Variants in SH3PXD2B observed in about 807,000 individuals in gnomAD.
SH3PXD2B encodes SH3 and PX domains 2B, also known as SH3 and PX domain-containing protein 2B.
SH3PXD2B carries 37 observed loss-of-function variants against 73.1 expected under a neutral mutation model. The observed-to-expected ratio is 0.51, with a 90% CI of 0.39 to 0.67. The LOEUF is 0.67. Among genes scored for constraint, SH3PXD2B ranks in the 30% least tolerant of loss-of-function variants. The probability of loss-of-function intolerance (pLI) is 0.00; values close to 1 mark genes in which losing one functional copy is unlikely to be tolerated. For missense variants in SH3PXD2B, 1,053 were observed against 1,197.8 expected (o/e 0.88, Z 1.78); for synonymous variants, 457 against 480.5 (o/e 0.95, Z 0.64).
In SH3PXD2B at chr5:172,335,333, A is replaced by G. The variant is rs1756661801; in HGVS notation, c.*3036T>C. On this transcript the variant is annotated 3_prime_UTR_variant, in exon 13 of 13. Coordinates refer to ENST00000311601, the MANE Select transcript of SH3PXD2B (RefSeq NM_001017995.3). ...CAAGGGGCGGGGGGAAGAGGCACCGAAATTCAGAGGGAGGGTCACTTGATT... is the reference window on the plus strand; with the variant it reads ...CAAGGGGCGGGGGGAAGAGGCACCGGAATTCAGAGGGAGGGTCACTTGATT... 2 of 1,199,438 alleles carry G rather than the reference A, an allele frequency of 1.7e-6. No individual in the cohort carries two copies. The highest frequency in any genetic ancestry group is 4.4e-5 in the Admixed American group (1 of 22,514). 74.3% of individuals were successfully genotyped at this position (1,199,438 alleles called of 1,614,324 possible).
At chr5:172,328,247 A>C (rs1008182488) in intron 12 of SH3PXD2B, among the ~76,000 whole-genome samples, 1 of 151,588 alleles carries the variant, frequency 6.6e-6, no homozygotes, top group Non-Finnish European at 1.5e-5. Context: ...CTGGGACTAC[A>C]GGCGTGTGCC....
At chr5:172,396,974 G>A (rs1003893787) in intron 3 of SH3PXD2B, among the ~76,000 whole-genome samples, 2 of 152,222 alleles carry the variant, frequency 1.3e-5, no homozygotes, top group Admixed American at 6.6e-5. Flanking sequence ...AGATGAATAC[G>A]TATCACAAAG....
chr5:172,447,637 A>C (rs1477730537), intron 1 of SH3PXD2B, among the ~76,000 whole-genome samples: 1 of 152,240 alleles, frequency 6.6e-6, no homozygotes, highest in Admixed American at 6.5e-5. Context: ...CACAGTTGGT[A>C]GGTGGCAGAG....
chr5:172,439,677 TGCGCGCACGC>T (rs1759499050), intron 1 of SH3PXD2B, among the ~76,000 whole-genome samples: 1 of 121,682 alleles, frequency 8.2e-6, no homozygotes, highest in South Asian at 2.5e-4. Flanking sequence ...TGTGCGTGCG[TGCGCGCACGC>T]GCGCGCACAC....
At position 172,394,661 on chromosome 5, in the gene SH3PXD2B, A is replaced by G. The variant is rs780853629; in HGVS notation, c.233-22T>C. Reference sequence around the variant, plus strand: ...TTACCTGCAGAAGATGAGAGCAAAGACAGTGTTGTCAGGGAACAGGGACAA... The same window carrying G: ...TTACCTGCAGAAGATGAGAGCAAAGGCAGTGTTGTCAGGGAACAGGGACAA... On this transcript the variant is annotated intron_variant, in intron 3 of 12. Coordinates refer to ENST00000311601, the MANE Select transcript of SH3PXD2B (RefSeq NM_001017995.3). The G allele has an allele frequency of 5.0e-6, 8 of 1,613,094 alleles. No individual in the cohort carries two copies. In the East Asian group the frequency reaches 1.6e-4, roughly 31 times the overall value.
At chr5:172,368,865 G>T (rs112677296) in intron 6 of SH3PXD2B, among the ~76,000 whole-genome samples, 7,239 of 113,670 alleles carry the variant, frequency 0.064, 294 homozygotes, top group African/African-American at 0.15. Context: ...ATATATATAT[G>T]TTTTTAAATA....
intron 4 of SH3PXD2B, among the ~76,000 whole-genome samples, chr5:172,386,565 G>A (rs1758063909): frequency 7.4e-6 from 1 of 134,840 alleles, no homozygotes; most frequent in Non-Finnish European, 1.5e-5. Context: ...AACGTTTTCT[G>A]TTGTTGTTGT....
Position 172,336,953 on chromosome 5 carries a change from A to C in SH3PXD2B, c.*1416T>G. ...ATTACAAATGCCGGAGAGGCACAGG[A>C]AGCAGCTCTGCCTGGCCCTTGGTTA... On this transcript the variant is annotated 3_prime_UTR_variant, in exon 13 of 13. Transcript: ENST00000311601. 1 of 985,550 alleles carries C rather than the reference A, an allele frequency of 1.0e-6. No homozygotes were observed. The highest frequency in any genetic ancestry group is 1.2e-6 in the Non-Finnish European group (1 of 830,032). The allele number at this position is 985,550 out of a possible 1,614,324, so 61.1% of individuals were successfully genotyped here.
intron 4 of SH3PXD2B, among the ~76,000 whole-genome samples, chr5:172,384,888 A>G (rs1390171177): frequency 6.6e-6 from 1 of 151,942 alleles, no homozygotes; most frequent in African/African-American, 2.4e-5. Context: ...CTAGTAGGGC[A>G]CCTTCCCTGG....
intron 12 of SH3PXD2B, among the ~76,000 whole-genome samples, chr5:172,340,968 C>G (rs1161217441): frequency 6.6e-6 from 1 of 152,178 alleles, no homozygotes; most frequent in Non-Finnish European, 1.5e-5. Flanking sequence ...TACAGGGGAC[C>G]TGGAGCTGGT....
chr5:172,338,430 A>G lies in SH3PXD2B; in HGVS notation c.2675T>C (p.Leu892Pro). The G allele has an allele frequency of 6.2e-7, 1 of 1,614,218 alleles. No homozygotes were observed. Among genetic ancestry groups the G allele is most frequent in the Non-Finnish European group, 8.5e-7 (1 of 1,180,038 alleles). The part of the protein sequence containing the change: ...NSSGWWFCQV[L>P]SGAPSWEGWI... Reference sequence around the variant, plus strand: ...CCCTTCCCAGGAAGGGGCTCCGCTCAGGACCTGGCAGAACCACCAGCCACT... The same window carrying G: ...CCCTTCCCAGGAAGGGGCTCCGCTCGGGACCTGGCAGAACCACCAGCCACT... Residue 892 changes from leucine (L) to proline (P), a missense_variant, in exon 13 of 13, where the codon CTG becomes CCG. Physicochemically the swap from Leu to Pro is moderately conservative, Grantham distance 98. This residue lies in a region of SH3PXD2B where 587 missense variants were observed against 590.7 expected (regional missense o/e 0.99). Transcript: ENST00000311601. The surrounding 1 kb of genome is among the most constrained non-coding windows in gnomAD (Gnocchi z 5.1).
At chr5:172,387,120 A>G (rs1758076729) in intron 4 of SH3PXD2B, among the ~76,000 whole-genome samples, 1 of 152,192 alleles carries the variant, frequency 6.6e-6, no homozygotes, top group Admixed American at 6.5e-5. Flanking sequence ...GGAAGTCTCA[A>G]GTGACTGGAG....
chr5:172,381,018 A>G (rs575292469), intron 5 of SH3PXD2B, among the ~76,000 whole-genome samples: 1 of 152,188 alleles, frequency 6.6e-6, no homozygotes, highest in Non-Finnish European at 1.5e-5. Context: ...AAACACTTTC[A>G]TGCTTTCTCC....
intron 7 of SH3PXD2B, among the ~76,000 whole-genome samples, chr5:172,361,467 G>C (rs1757402607): frequency 6.6e-6 from 1 of 152,050 alleles, no homozygotes; most frequent in East Asian, 1.9e-4. Context: ...CTGCCCTCTG[G>C]ACATACCAAC....
chr5:172,372,863 T>C (rs559327090), intron 6 of SH3PXD2B, among the ~76,000 whole-genome samples: 2 of 152,258 alleles, frequency 1.3e-5, no homozygotes, highest in East Asian at 1.9e-4. Context: ...TTCTGGAAGT[T>C]CCGAAGTCCA....
At chr5:172,380,809 G>T (rs1757926696) in intron 5 of SH3PXD2B, among the ~76,000 whole-genome samples, 1 of 152,210 alleles carries the variant, frequency 6.6e-6, no homozygotes. Flanking sequence ...CGCTCACTAT[G>T]AGAAGCTGTG....
intron 1 of SH3PXD2B, among the ~76,000 whole-genome samples, chr5:172,446,505 C>T (rs148650833): frequency 6.6e-5 from 10 of 152,304 alleles, no homozygotes; most frequent in South Asian, 2.1e-4. Flanking sequence ...CTGACATTCC[C>T]GCTACCACAG....
intron 4 of SH3PXD2B, among the ~76,000 whole-genome samples, chr5:172,389,834 T>C (rs1212807762): frequency 6.6e-6 from 1 of 152,208 alleles, no homozygotes; most frequent in Non-Finnish European, 1.5e-5. Context: ...CCTTCTTTGA[T>C]ATCTCCTGCC....
intron 12 of SH3PXD2B, among the ~76,000 whole-genome samples, chr5:172,326,857 A>ATTTTTTTTTTT (rs1175095358): frequency 4.4e-5 from 6 of 135,614 alleles, no homozygotes; most frequent in African/African-American, 1.6e-4. Flanking sequence ...ATGTCTCAAG[A>ATTTTTTTTTTT]TTTTTTTTTT....
Sources: allele counts gnomAD v4.1 joint callset (sites outside exome capture counted in the v4.1 genomes callset), GRCh38; gene constraint gnomAD v4.1.1; regional missense constraint gnomAD v4.1.1; non-coding constraint Gnocchi (gnomAD v3.1); transcripts MANE v1.5; gene names NCBI Gene and HGNC (gene_info 2026-07-23, HGNC 2026-07-21).